The following ENOX1 variants were observed in gnomAD, a reference collection of about 807,000 sequenced individuals.
ENOX1 encodes ecto-NOX disulfide-thiol exchanger 1.
In ENOX1, 42 loss-of-function variants were observed where a neutral mutation model predicts 82.5. That is an observed-to-expected ratio of 0.51 (90% CI 0.40 to 0.66). The LOEUF (loss-of-function observed/expected upper bound fraction) is 0.66, where lower values mean the gene tolerates loss of function less well. Ranked by LOEUF, ENOX1 falls within the 30% of genes least tolerant of loss-of-function variation. ENOX1 has a pLI of 0.00. For synonymous variants in ENOX1, 271 were observed against 282.2 expected, an observed-to-expected ratio of 0.96 and a Z score of 0.40; for missense variants, 608 against 811.6, an observed-to-expected ratio of 0.75 and a Z score of 3.05.
rs189803898 is a variant in ENOX1, at chr13:43,644,813, A to T, written c.-219+22666T>A. Among the ~76,000 whole-genome samples, 65 of 152,328 alleles carry T rather than the reference A, an allele frequency of 4.3e-4. 1 individual carries two copies. The South Asian group carries it at 5.4e-3, about 13-fold the overall frequency. On this transcript the variant is annotated intron_variant, in intron 2 of 16. Coordinates refer to ENST00000690772, the MANE Select transcript of ENOX1 (RefSeq NM_001347969.2). ...CTGCCTTTAAAGCCATATTCACAGTACTACACCAACCCAGGCAGAACATGG... is the reference window on the plus strand; with the variant it reads ...CTGCCTTTAAAGCCATATTCACAGTTCTACACCAACCCAGGCAGAACATGG...
intron 1 of ENOX1, among the ~76,000 whole-genome samples, chr13:43,744,739 T>C (rs139776121): frequency 6.6e-6 from 1 of 152,212 alleles, no homozygotes; most frequent in Non-Finnish European, 1.5e-5. Context: ...TTCCAGCTAT[T>C]ATGGAAAAAT....
intron 2 of ENOX1, among the ~76,000 whole-genome samples, chr13:43,610,749 GTT>G (rs5803192): frequency 0.25 from 37,361 of 149,478 alleles, 4,777 homozygotes; most frequent in Non-Finnish European, 0.3. Flanking sequence ...ATTTCCCATA[GTT>G]TTTTTTTTTT....
chr13:43,311,464 C>A (rs2153518692), intron 11 of ENOX1, among the ~76,000 whole-genome samples: 1 of 152,124 alleles, frequency 6.6e-6, no homozygotes, highest in South Asian at 2.1e-4. Flanking sequence ...CAAAATCTTG[C>A]CCCCCTACCA....
At chr13:43,649,941 T>G (rs1413985986) in intron 2 of ENOX1, among the ~76,000 whole-genome samples, 1 of 152,212 alleles carries the variant, frequency 6.6e-6, no homozygotes, top group Admixed American at 6.5e-5. Context: ...GTCAGACTTA[T>G]GGCCTGCTAC....
intron 5 of ENOX1, among the ~76,000 whole-genome samples, chr13:43,370,346 A>G (rs539535295): frequency 9.9e-5 from 15 of 152,170 alleles, no homozygotes; most frequent in Middle Eastern, 3.4e-3. Flanking sequence ...CAGCCTGGGC[A>G]ACACAGCGAG....
chr13:43,363,477 G>C (rs2050653301), intron 5 of ENOX1, among the ~76,000 whole-genome samples: 1 of 152,094 alleles, frequency 6.6e-6, no homozygotes, highest in Admixed American at 6.6e-5. Flanking sequence ...AGAAGTTCCA[G>C]AACAGAATGG....
chr13:43,586,183 C>T (rs923181777), intron 2 of ENOX1, among the ~76,000 whole-genome samples: 2 of 152,220 alleles, frequency 1.3e-5, no homozygotes, highest in Admixed American at 6.5e-5. Flanking sequence ...CAACCCCAAG[C>T]TGGGCAGGCC....
rs1477136261 is a variant in ENOX1, at chr13:43,359,894, G to T, written c.546C>A (p.Arg182=). ...RKSKKNFCHI[R]FAEEFMVDKA... Reference sequence around the variant, plus strand: ...TATCAACCATGAATTCCTCTGCAAAGCGAATGTGACAAAAATTCTTCTTGC... The same window carrying T: ...TATCAACCATGAATTCCTCTGCAAATCGAATGTGACAAAAATTCTTCTTGC... Residue 182 remains arginine, a synonymous_variant, in exon 7 of 17, where the codon CGC becomes CGA. Coordinates refer to ENST00000690772, the MANE Select transcript of ENOX1 (RefSeq NM_001347969.2). The T allele has an allele frequency of 1.2e-6, 2 of 1,614,200 alleles. No individual in the cohort carries two copies. The highest frequency in any genetic ancestry group is 4.5e-5 in the East Asian group (2 of 44,886).
intron 9 of ENOX1, among the ~76,000 whole-genome samples, chr13:43,335,149 T>C (rs1040485681): frequency 1.3e-5 from 2 of 152,226 alleles, no homozygotes; most frequent in East Asian, 1.9e-4. Flanking sequence ...ATTTTTGGCT[T>C]TGCAGGTCAT....
intron 11 of ENOX1, among the ~76,000 whole-genome samples, chr13:43,311,240 G>A (rs2047183477): frequency 6.6e-6 from 1 of 152,044 alleles, no homozygotes; most frequent in Non-Finnish European, 1.5e-5. Context: ...TAGAGAAAGA[G>A]AAGGGGCTCT....
chr13:43,362,542 T>C (rs1475633141), intron 5 of ENOX1, among the ~76,000 whole-genome samples: 2 of 152,140 alleles, frequency 1.3e-5, no homozygotes, highest in African/African-American at 2.4e-5. Flanking sequence ...TCTTCCTTCC[T>C]GCCCGCCACC....
At chr13:43,309,125 G>A (rs2047042001) in intron 11 of ENOX1, among the ~76,000 whole-genome samples, 1 of 150,148 alleles carries the variant, frequency 6.7e-6, no homozygotes, top group Non-Finnish European at 1.5e-5. Flanking sequence ...GGGCTTACAC[G>A]ATTCTCCTGC....
chr13:43,390,863 C>T (rs7321603), intron 5 of ENOX1, among the ~76,000 whole-genome samples: 60,637 of 151,848 alleles, frequency 0.4, 13,957 homozygotes, highest in East Asian at 0.82. Context: ...TTCCCTTTTT[C>T]GGTTTTGTTT....
chr13:43,675,232 T>G (rs1245587522), intron 1 of ENOX1, among the ~76,000 whole-genome samples: 3 of 152,108 alleles, frequency 2.0e-5, no homozygotes, highest in African/African-American at 7.2e-5. Flanking sequence ...CAGAAGTAGA[T>G]GGATTTAAAG....
At chr13:43,318,141 A>G (rs928208733) in intron 11 of ENOX1, among the ~76,000 whole-genome samples, 88 of 152,350 alleles carry the variant, frequency 5.8e-4, no homozygotes, top group African/African-American at 2.0e-3. Flanking sequence ...TGCAGTTAAA[A>G]TCCAAAAACA....
At chr13:43,485,296 G>T (rs2076375140) in intron 2 of ENOX1, among the ~76,000 whole-genome samples, 1 of 152,204 alleles carries the variant, frequency 6.6e-6, no homozygotes, top group Non-Finnish European at 1.5e-5. Context: ...CTGTGTTGCA[G>T]GGCTACTGCT....
At chr13:43,425,111 C>G (rs570179050) in intron 3 of ENOX1, among the ~76,000 whole-genome samples, 71 of 152,116 alleles carry the variant, frequency 4.7e-4, no homozygotes, top group Non-Finnish European at 5.4e-4. Context: ...GTTCCAACCT[C>G]CAGGAACATA....
intron 2 of ENOX1, among the ~76,000 whole-genome samples, chr13:43,642,431 C>T (rs550687119): frequency 3.3e-5 from 5 of 152,140 alleles, no homozygotes; most frequent in Admixed American, 6.5e-5. Flanking sequence ...AGAAAGTTTC[C>T]AACATGTTAT....
chr13:43,523,397 C>A lies in ENOX1; in HGVS notation c.-218-39245G>T, dbSNP rs146249761. On this transcript the variant is annotated intron_variant, in intron 2 of 16. Coordinates refer to ENST00000690772, the MANE Select transcript of ENOX1 (RefSeq NM_001347969.2). Reference sequence around the variant, plus strand: ...CAGATAAAATTCCTTTGGAAAACTGCAGCAACTATAAAAATAGAAAACAGA... The same window carrying A: ...CAGATAAAATTCCTTTGGAAAACTGAAGCAACTATAAAAATAGAAAACAGA... 3.9e-5 allele frequency among the ~76,000 whole-genome samples: 6 copies of A among 152,132 alleles called. No individual in the cohort carries two copies. In the East Asian group the frequency reaches 1.2e-3, roughly 29 times the overall value.
Sources: allele counts gnomAD v4.1 joint callset (sites outside exome capture counted in the v4.1 genomes callset), GRCh38; gene constraint gnomAD v4.1.1; transcripts MANE v1.5; gene names NCBI Gene and HGNC (gene_info 2026-07-23, HGNC 2026-07-21).